The following ELMO1 variants were observed in gnomAD, a reference collection of about 807,000 sequenced individuals.
The protein encoded by ELMO1 is engulfment and cell motility protein 1.
A neutral mutation model predicts 98.9 loss-of-function variants in ELMO1; 26 were observed. That is an observed-to-expected ratio of 0.26 (90% CI 0.19 to 0.36). ELMO1 has a LOEUF of 0.36. Among genes scored for constraint, ELMO1 ranks in the 10% least tolerant of loss-of-function variants. The pLI, the probability that ELMO1 is intolerant of heterozygous loss-of-function variation, is 1.00. For missense variants in ELMO1, 627 were observed against 935.2 expected (o/e 0.67, Z 4.30); for synonymous variants, 346 against 346.0 (o/e 1.00, Z 0.00).
At chr7:37,172,098 T>C (rs1008098714) in intron 13 of ELMO1, among the ~76,000 whole-genome samples, 9 of 152,210 alleles carry the variant, frequency 5.9e-5, no homozygotes, top group Non-Finnish European at 1.2e-4. Context: ...CTCCAATGAC[T>C]ATCCTGTAAG....
intron 13 of ELMO1, among the ~76,000 whole-genome samples, chr7:37,144,024 A>G (rs1052265382): frequency 2.0e-5 from 3 of 152,144 alleles, no homozygotes; most frequent in Admixed American, 6.5e-5. Flanking sequence ...CTTTTTAGTA[A>G]AAGTTATAAT....
chr7:36,859,362 GA>G (rs1802439447), intron 21 of ELMO1, among the ~76,000 whole-genome samples: 1 of 152,178 alleles, frequency 6.6e-6, no homozygotes, highest in South Asian at 2.1e-4. Context: ...ATGCATACAG[GA>G]ACATTTATAC....
chr7:37,169,058 C>T (rs1789958495), intron 13 of ELMO1, among the ~76,000 whole-genome samples: 1 of 152,196 alleles, frequency 6.6e-6, no homozygotes, highest in Non-Finnish European at 1.5e-5. Context: ...GCACCCCTCC[C>T]CCAGCCTCGC....
At chr7:37,221,705 C>CTTTTCTTTT (rs139631382) in intron 10 of ELMO1, among the ~76,000 whole-genome samples, 39,542 of 149,440 alleles carry the variant, frequency 0.26, 5,592 homozygotes, top group African/African-American at 0.36. Flanking sequence ...CTTTTTTTTT[C>CTTTTCTTTT]TTTTTTTTAA....
intron 15 of ELMO1, among the ~76,000 whole-genome samples, chr7:37,016,439 T>G (rs1793935846): frequency 6.6e-6 from 1 of 152,178 alleles, no homozygotes; most frequent in Non-Finnish European, 1.5e-5. Context: ...AATGAGCGTC[T>G]GAAACCCACA....
At chr7:36,947,916 T>A in intron 16 of ELMO1, among the ~76,000 whole-genome samples, 1 of 152,196 alleles carries the variant, frequency 6.6e-6, no homozygotes, top group East Asian at 1.9e-4. Context: ...GTAGCCCAGG[T>A]TTATTTAACT....
At position 37,014,594 on chromosome 7, in the gene ELMO1, A is replaced by C. The variant is rs892041527; in HGVS notation, c.1301-1159T>G. Among the ~76,000 whole-genome samples the C allele has an allele frequency of 9.9e-5, 15 of 152,138 alleles. 1 individual carries two copies. Among genetic ancestry groups the C allele is most frequent in the South Asian group, 2.1e-4 (1 of 4,814 alleles). On this transcript the variant is annotated intron_variant, in intron 15 of 21. Coordinates refer to ENST00000310758, the MANE Select transcript of ELMO1 (RefSeq NM_014800.11). ...CTACGTTTTAAGCCCCACATGCATT[A>C]GCTATTTGTCCTAATGCTCTCTATC...
intron 15 of ELMO1, among the ~76,000 whole-genome samples, chr7:37,076,303 G>A (rs898784899): frequency 6.6e-6 from 1 of 151,904 alleles, no homozygotes; most frequent in South Asian, 2.1e-4. Context: ...CTCAAAGCTA[G>A]AAATCAAAGG....
chr7:37,113,904 C>T (rs1457956053), intron 14 of ELMO1, among the ~76,000 whole-genome samples: 5 of 152,170 alleles, frequency 3.3e-5, no homozygotes, highest in African/African-American at 1.2e-4. Context: ...CCAACCCTGC[C>T]AGTAGCTAGA....
intron 1 of ELMO1, among the ~76,000 whole-genome samples, chr7:37,352,782 G>A (rs1032732765): frequency 6.6e-6 from 1 of 152,280 alleles, no homozygotes; most frequent in East Asian, 1.9e-4. Context: ...TCTATTAACT[G>A]CAACTTCTAC....
At chr7:37,084,759 C>CTTT (rs930490621) in intron 15 of ELMO1, among the ~76,000 whole-genome samples, 1 of 142,016 alleles carries the variant, frequency 7.0e-6, no homozygotes, top group Non-Finnish European at 1.5e-5. Context: ...AAGCAAATTC[C>CTTT]TTTTTTTTTT....
chr7:36,970,203 A>G (rs1222657022), intron 16 of ELMO1, among the ~76,000 whole-genome samples: 1 of 151,764 alleles, frequency 6.6e-6, no homozygotes, highest in East Asian at 1.9e-4. Flanking sequence ...ACACACACAC[A>G]CACACACACA....
chr7:37,419,489 T>C (rs555836788), intron 1 of ELMO1: 1 of 152,250 alleles, frequency 6.6e-6, no homozygotes, highest in African/African-American at 2.4e-5. Context: ...TATGATAATA[T>C]GTGATAACAC....
At chr7:37,076,438 G>T (rs1235319963) in intron 15 of ELMO1, among the ~76,000 whole-genome samples, 4 of 152,156 alleles carry the variant, frequency 2.6e-5, no homozygotes, top group Admixed American at 6.5e-5. Context: ...TTCAGGAAAC[G>T]GTCTCTTTTG....
chr7:37,164,139 T>C (rs867544773), intron 13 of ELMO1, among the ~76,000 whole-genome samples: 21 of 152,340 alleles, frequency 1.4e-4, no homozygotes, highest in Middle Eastern at 6.8e-3. Flanking sequence ...ATGTCTTCTT[T>C]TGAGAAGTGT....
intron 15 of ELMO1, among the ~76,000 whole-genome samples, chr7:37,050,898 A>C (rs534809234): frequency 5.2e-4 from 79 of 152,220 alleles, no homozygotes; most frequent in Admixed American, 1.4e-3. Flanking sequence ...AGTCTGCTCC[A>C]ACCAAGGCTA....
At chr7:37,183,681 C>A (rs963897883) in intron 13 of ELMO1, among the ~76,000 whole-genome samples, 1 of 151,590 alleles carries the variant, frequency 6.6e-6, no homozygotes, top group Non-Finnish European at 1.5e-5. Flanking sequence ...ATGTCCCCCA[C>A]CTCCCTCAAC....
chr7:37,080,563 A>C (rs1244262846), intron 15 of ELMO1, among the ~76,000 whole-genome samples: 1 of 147,738 alleles, frequency 6.8e-6, no homozygotes, highest in African/African-American at 2.5e-5. Context: ...TCAGCATCCC[A>C]AGTAGCTGGG....
chr7:37,063,869 C>A (rs546066098), intron 15 of ELMO1, among the ~76,000 whole-genome samples: 1 of 152,286 alleles, frequency 6.6e-6, no homozygotes, highest in African/African-American at 2.4e-5. Context: ...TCAACCGGGG[C>A]AAAACCGCAA....
Sources: allele counts gnomAD v4.1 joint callset (sites outside exome capture counted in the v4.1 genomes callset), GRCh38; gene constraint gnomAD v4.1.1; transcripts MANE v1.5; gene names NCBI Gene and HGNC (gene_info 2026-07-23, HGNC 2026-07-21).